The following CNTN4 variants were observed in gnomAD, a reference collection of about 807,000 sequenced individuals.
CNTN4 encodes contactin 4.
A neutral mutation model predicts 122.5 loss-of-function variants in CNTN4; 77 were observed. The ratio of observed to expected loss-of-function variants is 0.63; its 90% confidence interval spans 0.52 to 0.76. The LOEUF (loss-of-function observed/expected upper bound fraction) is 0.76, where lower values mean the gene tolerates loss of function less well. Ranked by LOEUF, CNTN4 falls within the 30% of genes least tolerant of loss-of-function variation. The pLI, the probability that CNTN4 is intolerant of heterozygous loss-of-function variation, is 0.00. For synonymous variants in CNTN4, 512 were observed against 447.0 expected (o/e 1.15, Z -1.83); for missense variants, 1,256 against 1,259.1 (o/e 1.00, Z 0.04).
At chr3:2,345,299 A>G (rs75915278) in intron 3 of CNTN4, among the ~76,000 whole-genome samples, 19,376 of 152,104 alleles carry the variant, frequency 0.13, 1,525 homozygotes, top group Non-Finnish European at 0.18. Context: ...ATTCTTTTTT[A>G]AAAAGTTTGT....
chr3:2,175,754 G>T (rs1466243113), intron 2 of CNTN4, among the ~76,000 whole-genome samples: 4 of 152,136 alleles, frequency 2.6e-5, no homozygotes, highest in African/African-American at 9.7e-5. Flanking sequence ...GCTAACTGGT[G>T]TGTTGAAAAT....
Position 2,937,387 on chromosome 3 carries a change from G to A in CNTN4, c.1358+11608G>A, listed in dbSNP as rs185020249. ...CTTTAAATGTGAAGACACAGAGGGT[G>A]AGGGATGGTGGCAGTGGAGAGAAAA... On this transcript the variant is annotated intron_variant, in intron 13 of 24. Coordinates refer to ENST00000418658, the MANE Select transcript of CNTN4 (RefSeq NM_175607.3). 5.9e-5 allele frequency among the ~76,000 whole-genome samples: 9 copies of A among 152,288 alleles called. No individual in the cohort carries two copies. In the East Asian group the frequency reaches 1.7e-3, roughly 29 times the overall value.
intron 6 of CNTN4, among the ~76,000 whole-genome samples, chr3:2,791,107 C>A (rs1292069395): frequency 6.6e-6 from 1 of 152,124 alleles, no homozygotes; most frequent in African/African-American, 2.4e-5. Context: ...CAAGGACAAG[C>A]CATTTTGACC....
chr3:2,671,032 CCTT>C (rs2084482491), intron 4 of CNTN4, among the ~76,000 whole-genome samples: 1 of 152,112 alleles, frequency 6.6e-6, no homozygotes, highest in Non-Finnish European at 1.5e-5. Context: ...AACATTTTTT[CCTT>C]CATTTCAACT....
In CNTN4 at chr3:2,871,766, G is replaced by A. The variant is rs180862932; in HGVS notation, c.652+4817G>A. The stretch of plus-strand genomic sequence containing the variant: ...GGCTCTAGATTTAGACATTTGCTTC[G>A]TTTCTTTTGCTTTATAATTTTTGAT... On this transcript the variant is annotated intron_variant, in intron 8 of 24. Transcript: ENST00000418658. Among the ~76,000 whole-genome samples the A allele has an allele frequency of 1.3e-3, 196 of 152,122 alleles. 1 individual carries two copies. The highest frequency in any genetic ancestry group is 2.5e-3 in the Admixed American group (38 of 15,274).
chr3:2,901,988 A>G (rs1229695152), intron 11 of CNTN4, among the ~76,000 whole-genome samples: 3 of 152,286 alleles, frequency 2.0e-5, no homozygotes, highest in African/African-American at 4.8e-5. Context: ...AAAACTAGGC[A>G]GGTCAATTTC....
chr3:2,526,250 A>C (rs929380502), intron 3 of CNTN4, among the ~76,000 whole-genome samples: 2 of 152,180 alleles, frequency 1.3e-5, no homozygotes, highest in African/African-American at 4.8e-5. Context: ...AAAACTGAGA[A>C]TACTCTGTTT....
intron 6 of CNTN4, among the ~76,000 whole-genome samples, chr3:2,765,267 T>C (rs2090800059): frequency 6.6e-6 from 1 of 152,174 alleles, no homozygotes; most frequent in South Asian, 2.1e-4. Context: ...TTGTCGTCAC[T>C]GAGTTTCTGC....
chr3:2,828,407 T>C (rs2093032381), intron 7 of CNTN4, among the ~76,000 whole-genome samples: 1 of 152,154 alleles, frequency 6.6e-6, no homozygotes, highest in Non-Finnish European at 1.5e-5. Flanking sequence ...AAAGGTCCTG[T>C]AATAAGGCAA....
At chr3:2,112,436 A>G (rs1032363398) in intron 2 of CNTN4, among the ~76,000 whole-genome samples, 4 of 152,212 alleles carry the variant, frequency 2.6e-5, no homozygotes, top group African/African-American at 4.8e-5. Context: ...AAGCATAACA[A>G]TAATGACTGG....
intron 4 of CNTN4, among the ~76,000 whole-genome samples, chr3:2,718,861 C>G (rs2087660634): frequency 2.0e-5 from 3 of 152,160 alleles, no homozygotes. Context: ...TATGCACATT[C>G]ATATGCAAAA....
chr3:2,340,603 C>T (rs2044144829), intron 3 of CNTN4, among the ~76,000 whole-genome samples: 2 of 149,044 alleles, frequency 1.3e-5, no homozygotes, highest in East Asian at 2.0e-4. Context: ...TCACTTGGGC[C>T]TGGGAGGTCA....
intron 3 of CNTN4, among the ~76,000 whole-genome samples, chr3:2,463,348 G>C (rs1307172889): frequency 6.6e-6 from 1 of 152,158 alleles, no homozygotes; most frequent in Admixed American, 6.5e-5. Context: ...GCATGTGGGA[G>C]GACCTACCAA....
chr3:2,449,614 CAA>C (rs34181793), intron 3 of CNTN4, among the ~76,000 whole-genome samples: 20,939 of 125,552 alleles, frequency 0.17, 1,812 homozygotes, highest in Non-Finnish European at 0.25. Context: ...GACTCCATCT[CAA>C]AAAAAAAAAA....
chr3:2,158,612 C>T (rs533367057), intron 2 of CNTN4, among the ~76,000 whole-genome samples: 33 of 152,310 alleles, frequency 2.2e-4, no homozygotes, highest in South Asian at 4.1e-4. Flanking sequence ...AATATGTCCA[C>T]ATTGGCAGCA....
intron 3 of CNTN4, among the ~76,000 whole-genome samples, chr3:2,421,440 C>A (rs900882703): frequency 3.9e-5 from 6 of 152,096 alleles, no homozygotes; most frequent in African/African-American, 1.2e-4. Flanking sequence ...TTAGTAGAGA[C>A]ATGGTTTCAC....
intron 8 of CNTN4, among the ~76,000 whole-genome samples, chr3:2,878,353 A>G (rs2093868895): frequency 6.6e-6 from 1 of 152,222 alleles, no homozygotes; most frequent in South Asian, 2.1e-4. Context: ...GGAAAGAAGT[A>G]TATGTTTGAC....
intron 6 of CNTN4, among the ~76,000 whole-genome samples, chr3:2,816,103 C>A (rs2092721150): frequency 6.6e-6 from 1 of 151,962 alleles, no homozygotes; most frequent in Non-Finnish European, 1.5e-5. Flanking sequence ...ACCTGTAATC[C>A]CGGCACTTTG....
At chr3:2,604,012 C>T (rs1385240864) in intron 4 of CNTN4, among the ~76,000 whole-genome samples, 2 of 152,286 alleles carry the variant, frequency 1.3e-5, no homozygotes, top group Non-Finnish European at 2.9e-5. Context: ...CTGCTTCAAA[C>T]ACCGTGGAGA....
Sources: gnomAD v4.1 joint callset for allele counts (sites outside exome capture counted in the v4.1 genomes callset) on GRCh38, gnomAD v4.1.1 for gene constraint, MANE v1.5 for transcripts, NCBI Gene and HGNC (gene_info 2026-07-23, HGNC 2026-07-21) for gene names.